Variants in SAMD5 observed in about 807,000 individuals in gnomAD.
SAMD5 encodes the protein sterile alpha motif domain-containing protein 5.
Under a neutral mutation model 11.3 loss-of-function variants are expected in SAMD5, and 13 were observed. The ratio of observed to expected loss-of-function variants is 1.15; its 90% CI spans 0.75 to 1.83. The LOEUF (loss-of-function observed/expected upper bound fraction) is 1.83, where lower values mean the gene tolerates loss of function less well. SAMD5 is among the 40% of genes most tolerant of loss of function. SAMD5 has a pLI of 0.00. For missense variants in SAMD5, 255 were observed against 239.1 expected, an observed-to-expected ratio of 1.07 and a Z score of -0.44; for synonymous variants, 129 against 111.3, an observed-to-expected ratio of 1.16 and a Z score of -1.00.
the SAMD5 span, among the ~76,000 whole-genome samples, chr6:147,910,671 T>C: frequency 6.6e-6 from 1 of 152,196 alleles, no homozygotes; most frequent in Non-Finnish European, 1.5e-5. Flanking sequence ...TTTCAGACTT[T>C]TACACAATAC....
chr6:147,824,092 G>T, the SAMD5 span, among the ~76,000 whole-genome samples: 1 of 152,186 alleles, frequency 6.6e-6, no homozygotes, highest in Non-Finnish European at 1.5e-5. Flanking sequence ...TTTCCTCAGT[G>T]CTCAGAGCCT....
At chr6:147,547,698 C>A (rs75339732) in intron 1 of SAMD5, among the ~76,000 whole-genome samples, 2,807 of 152,222 alleles carry the variant, frequency 0.018, 44 homozygotes, top group Middle Eastern at 0.034. Context: ...ATCGTGGGAG[C>A]GCCATCTATC....
chr6:147,589,224 G>T (rs1789419237), intron 1 of SAMD5, among the ~76,000 whole-genome samples: 1 of 152,126 alleles, frequency 6.6e-6, no homozygotes, highest in Non-Finnish European at 1.5e-5. Flanking sequence ...CTCCCAAAGT[G>T]CTGGGATTAC....
the SAMD5 span, among the ~76,000 whole-genome samples, chr6:147,750,505 A>T: frequency 6.6e-6 from 1 of 152,200 alleles, no homozygotes; most frequent in Non-Finnish European, 1.5e-5. Context: ...CAGAGTAAAA[A>T]TGCAAGGATC....
intron 1 of SAMD5, among the ~76,000 whole-genome samples, chr6:147,629,081 A>C (rs1164958734): frequency 1.3e-5 from 2 of 152,166 alleles, no homozygotes; most frequent in Admixed American, 6.5e-5. Flanking sequence ...ACCTGAGGTC[A>C]GGAGTTTGAG....
rs114456855 is a variant in SAMD5, at chr6:147,669,128, G to A, written c.163-68189G>A. Among the ~76,000 whole-genome samples, 1,012 of 152,144 alleles carry A rather than the reference G, an allele frequency of 6.7e-3. 17 individuals carry two copies. The highest frequency in any genetic ancestry group is 0.023 in the African/African-American group (954 of 41,492). The stretch of plus-strand genomic sequence containing the variant: ...GCCACATCAATGGACTCTTCCTTTC[G>A]TGAAAGACTTCTCTGTAGCATGTGA... On this transcript the variant is annotated intron_variant, in intron 1 of 1. Transcript: ENST00000566741.
chr6:147,581,784 G>C lies in SAMD5; in HGVS notation c.162+72397G>C, dbSNP rs1789302438. On this transcript the variant is annotated intron_variant, in intron 1 of 1. Coordinates refer to the SAMD5 transcript ENST00000566741. ...TGAGGAAACAAAGATAAAAAGTATA[G>C]AGAGCTTAACTATTTGGCTGTGAAG... Among the ~76,000 whole-genome samples, 5 of 152,162 alleles carry C rather than the reference G, an allele frequency of 3.3e-5. No homozygotes were observed. The South Asian group carries it at 1.0e-3, about 32-fold the overall frequency.
chr6:147,673,837 A>T (rs1790828801), intron 1 of SAMD5, among the ~76,000 whole-genome samples: 1 of 152,184 alleles, frequency 6.6e-6, no homozygotes, highest in African/African-American at 2.4e-5. Context: ...GGAGGGTTTA[A>T]TCTATGCAGG....
intron 1 of SAMD5, among the ~76,000 whole-genome samples, chr6:147,595,674 C>T (rs1389953569): frequency 6.6e-6 from 1 of 151,572 alleles, no homozygotes; most frequent in East Asian, 1.9e-4. Context: ...CTACAGGTGC[C>T]CACCACCACA....
the SAMD5 span, among the ~76,000 whole-genome samples, chr6:147,746,867 A>G: frequency 8.7e-4 from 133 of 152,338 alleles, 1 homozygote; most frequent in African/African-American, 3.0e-3. Context: ...TAAGGCATGC[A>G]AAAGTAGGCT....
intron 1 of SAMD5, among the ~76,000 whole-genome samples, chr6:147,510,230 T>A (rs1002429932): frequency 1.6e-4 from 25 of 152,302 alleles, no homozygotes; most frequent in Admixed American, 1.6e-3. Flanking sequence ...GGAAGGAACC[T>A]GGAAGTTCCG....
intron 1 of SAMD5, among the ~76,000 whole-genome samples, chr6:147,560,175 TG>T: frequency 6.6e-6 from 1 of 152,326 alleles, no homozygotes; most frequent in Admixed American, 6.5e-5. Flanking sequence ...ATGTAAAATG[TG>T]GGGGTTTTGC....
chr6:147,941,297 G>A, the SAMD5 span, among the ~76,000 whole-genome samples: 1 of 152,158 alleles, frequency 6.6e-6, no homozygotes. Context: ...CAGTGACTCT[G>A]CTGATTACCT....
At chr6:147,878,823 C>T in the SAMD5 span, among the ~76,000 whole-genome samples, 4 of 151,796 alleles carry the variant, frequency 2.6e-5, no homozygotes, top group East Asian at 1.9e-4. Flanking sequence ...GGCGCAATCT[C>T]GGCTCACTGC....
chr6:147,604,234 C>T (rs370234546), intron 1 of SAMD5, among the ~76,000 whole-genome samples: 248 of 149,846 alleles, frequency 1.7e-3, no homozygotes, highest in African/African-American at 5.8e-3. Context: ...CTAAATGATG[C>T]TTAAGTATCA....
chr6:147,615,760 G>T (rs1321585909), intron 1 of SAMD5, among the ~76,000 whole-genome samples: 2 of 152,186 alleles, frequency 1.3e-5, no homozygotes, highest in Non-Finnish European at 2.9e-5. Context: ...CAACAGAGTG[G>T]TAAGAAAATA....
intron 1 of SAMD5, among the ~76,000 whole-genome samples, chr6:147,516,049 G>A (rs1788165734): frequency 6.6e-6 from 1 of 152,128 alleles, no homozygotes; most frequent in South Asian, 2.1e-4. Context: ...TGAAGGAGGT[G>A]CTGATTCTCA....
intron 1 of SAMD5, among the ~76,000 whole-genome samples, chr6:147,560,536 A>G (rs1374599402): frequency 6.6e-6 from 1 of 152,228 alleles, no homozygotes; most frequent in Non-Finnish European, 1.5e-5. Context: ...TACAGCTGCA[A>G]TTGAGCTACA....
At chr6:147,776,964 G>GAT in the SAMD5 span, among the ~76,000 whole-genome samples, 2 of 152,146 alleles carry the variant, frequency 1.3e-5, no homozygotes, top group Non-Finnish European at 2.9e-5. Context: ...CTGCATTGTA[G>GAT]ATATGCCTGC....
Sources: gnomAD v4.1 joint callset for allele counts (sites outside exome capture counted in the v4.1 genomes callset) on GRCh38, gnomAD v4.1.1 for gene constraint, MANE v1.5 for transcripts, NCBI Gene and HGNC (gene_info 2026-07-23, HGNC 2026-07-21) for gene names.